Variants in PDZRN3 observed in about 807,000 individuals in gnomAD.
The protein encoded by PDZRN3 is PDZ domain containing ring finger 3.
In PDZRN3, 38 loss-of-function variants were observed where a neutral mutation model predicts 85.7. The ratio of observed to expected loss-of-function variants is 0.44; its 90% confidence interval spans 0.34 to 0.58. The LOEUF (loss-of-function observed/expected upper bound fraction) is 0.58. PDZRN3 is among the 20% of genes least tolerant of loss of function. The pLI is 0.01. For missense variants in PDZRN3, 1,629 were observed against 1,506.4 expected, an observed-to-expected ratio of 1.08 and a Z score of -1.35; for synonymous variants, 759 against 638.0, an observed-to-expected ratio of 1.19 and a Z score of -2.86.
chr3:73,578,459 C>T (rs1372543378), intron 3 of PDZRN3, among the ~76,000 whole-genome samples: 4 of 152,070 alleles, frequency 2.6e-5, no homozygotes, highest in Non-Finnish European at 5.9e-5. Flanking sequence ...TGTGAGCCAC[C>T]GCGCCCAGCC....
intron 3 of PDZRN3, among the ~76,000 whole-genome samples, chr3:73,494,942 A>C (rs1703838937): frequency 6.6e-6 from 1 of 152,220 alleles, no homozygotes; most frequent in African/African-American, 2.4e-5. Flanking sequence ...AATAATGCAT[A>C]TTCTCACTTG....
At chr3:73,579,275 G>A (rs182664549) in intron 3 of PDZRN3, among the ~76,000 whole-genome samples, 2 of 152,270 alleles carry the variant, frequency 1.3e-5, no homozygotes, top group Admixed American at 1.3e-4. Context: ...CCTTGACCTT[G>A]AACTTCCCAG....
intron 3 of PDZRN3, among the ~76,000 whole-genome samples, chr3:73,465,063 C>T (rs767376930): frequency 3.3e-5 from 5 of 152,162 alleles, no homozygotes; most frequent in Non-Finnish European, 7.3e-5. Context: ...GTTTCTGTTG[C>T]TAAGTTGTCT....
chr3:73,435,671 C>A (rs1462753257), intron 3 of PDZRN3, among the ~76,000 whole-genome samples: 1 of 152,156 alleles, frequency 6.6e-6, no homozygotes, highest in Non-Finnish European at 1.5e-5. Context: ...CTGCCTATTG[C>A]CCTTGCACAC....
intron 3 of PDZRN3, among the ~76,000 whole-genome samples, chr3:73,563,075 G>A (rs1274540838): frequency 1.5e-5 from 2 of 130,122 alleles, no homozygotes; most frequent in African/African-American, 6.0e-5. Flanking sequence ...CTGGAGTGCT[G>A]TGGCACGATC....
At chr3:73,601,467 G>A (rs1702514426) in intron 3 of PDZRN3, among the ~76,000 whole-genome samples, 1 of 152,160 alleles carries the variant, frequency 6.6e-6, no homozygotes, top group Admixed American at 6.5e-5. Context: ...TGAATTTCTT[G>A]TGGGGTCTGG....
At chr3:73,517,817 C>G (rs563773225) in intron 3 of PDZRN3, among the ~76,000 whole-genome samples, 2 of 152,304 alleles carry the variant, frequency 1.3e-5, no homozygotes, top group Admixed American at 6.5e-5. Flanking sequence ...AAGACAAAAA[C>G]AGCTGACCTC....
At chr3:73,537,075 G>A (rs2106770059) in intron 3 of PDZRN3, among the ~76,000 whole-genome samples, 1 of 152,248 alleles carries the variant, frequency 6.6e-6, no homozygotes, top group East Asian at 1.9e-4. Flanking sequence ...TGGGCTCTGA[G>A]CTCAATTCAG....
chr3:73,560,869 C>T (rs748103317), intron 3 of PDZRN3, among the ~76,000 whole-genome samples: 12 of 152,164 alleles, frequency 7.9e-5, no homozygotes, highest in African/African-American at 2.7e-4. Flanking sequence ...CAATGAGTCA[C>T]GGCTCGTGCA....
chr3:73,450,524 TA>T (rs1419009009), intron 3 of PDZRN3, among the ~76,000 whole-genome samples: 4 of 152,348 alleles, frequency 2.6e-5, no homozygotes, highest in Non-Finnish European at 4.4e-5. Context: ...ATTTTCTTTT[TA>T]GCAGGGAGGA....
chr3:73,622,442 G>A (rs1294055726), intron 1 of PDZRN3, among the ~76,000 whole-genome samples: 1 of 152,216 alleles, frequency 6.6e-6, no homozygotes, highest in Non-Finnish European at 1.5e-5. Flanking sequence ...AACCAGAGCG[G>A]TGGCAGCAGG....
intron 3 of PDZRN3, among the ~76,000 whole-genome samples, chr3:73,431,476 C>A (rs1320566030): frequency 6.6e-6 from 1 of 152,164 alleles, no homozygotes; most frequent in Non-Finnish European, 1.5e-5. Context: ...ACGCACCGGA[C>A]CTTCTGGAAC....
chr3:73,465,333 T>G (rs1315858126), intron 3 of PDZRN3, among the ~76,000 whole-genome samples: 1 of 152,194 alleles, frequency 6.6e-6, no homozygotes, highest in African/African-American at 2.4e-5. Context: ...ATATTTCCCT[T>G]CCTTTACCTT....
Position 73,608,999 on chromosome 3 carries a change from C to T in PDZRN3, c.724-315G>A, listed in dbSNP as rs1221114364. Among the ~76,000 whole-genome samples, 8 of 152,030 alleles carry T rather than the reference C, an allele frequency of 5.3e-5. No homozygotes were observed. The South Asian group carries it at 6.3e-4, about 12-fold the overall frequency. On this transcript the variant is annotated intron_variant, in intron 1 of 9. Coordinates refer to ENST00000263666, the MANE Select transcript of PDZRN3 (RefSeq NM_015009.3). Reference sequence around the variant, plus strand: ...TCTGCAAATGCATCTTTCTTTTGACCGGCCCATCGTACGCAGGCTGTCTAG... The same window carrying T: ...TCTGCAAATGCATCTTTCTTTTGACTGGCCCATCGTACGCAGGCTGTCTAG...
chr3:73,519,935 G>A (rs974854132), intron 3 of PDZRN3, among the ~76,000 whole-genome samples: 1 of 152,278 alleles, frequency 6.6e-6, no homozygotes, highest in South Asian at 2.1e-4. Flanking sequence ...GCTGTACAAT[G>A]CTCCTGCAGC....
At chr3:73,568,037 G>C (rs538236567) in intron 3 of PDZRN3, among the ~76,000 whole-genome samples, 1 of 152,192 alleles carries the variant, frequency 6.6e-6, no homozygotes, top group South Asian at 2.1e-4. Context: ...ACCTCCAATA[G>C]AGAAATCAGG....
At chr3:73,436,183 T>C (rs1023400110) in intron 3 of PDZRN3, among the ~76,000 whole-genome samples, 3 of 152,242 alleles carry the variant, frequency 2.0e-5, no homozygotes, top group African/African-American at 4.8e-5. Context: ...TTCCTTTGCA[T>C]CGCTTTCCAA....
At chr3:73,506,018 G>A (rs1176122433) in intron 3 of PDZRN3, among the ~76,000 whole-genome samples, 1 of 151,992 alleles carries the variant, frequency 6.6e-6, no homozygotes, top group Admixed American at 6.6e-5. Context: ...ACTCAGGTAC[G>A]GGCAGGTAGA....
At chr3:73,612,004 G>A (rs181037452) in intron 1 of PDZRN3, among the ~76,000 whole-genome samples, 22 of 152,294 alleles carry the variant, frequency 1.4e-4, no homozygotes, top group Admixed American at 1.3e-3. Flanking sequence ...ACTGTTCACA[G>A]ACATGGTAAC....
Sources: allele counts gnomAD v4.1 joint callset (sites outside exome capture counted in the v4.1 genomes callset), GRCh38; gene constraint gnomAD v4.1.1; transcripts MANE v1.5; gene names NCBI Gene and HGNC (gene_info 2026-07-23, HGNC 2026-07-21).